Variants in UNC5D observed in about 807,000 individuals in gnomAD.
UNC5D encodes the protein unc-5 netrin receptor D, also known as netrin receptor UNC5D.
UNC5D carries 39 observed loss-of-function variants against 105.4 expected under a neutral mutation model. The observed-to-expected ratio is 0.37, with a 90% confidence interval of 0.29 to 0.48. The LOEUF is 0.48. UNC5D is among the 20% of genes least tolerant of loss of function. The pLI is 0.98. For missense variants in UNC5D, 991 were observed against 1,202.4 expected (o/e 0.82, Z 2.60); for synonymous variants, 452 against 450.4 (o/e 1.00, Z -0.04).
chr8:35,423,742 G>A (rs1360834699), intron 1 of UNC5D, among the ~76,000 whole-genome samples: 2 of 152,062 alleles, frequency 1.3e-5, no homozygotes, highest in African/African-American at 2.4e-5. Flanking sequence ...TTCTACAGAA[G>A]TATGAAGAAT....
chr8:35,462,527 G>T (rs1808977961), intron 1 of UNC5D, among the ~76,000 whole-genome samples: 2 of 152,084 alleles, frequency 1.3e-5, no homozygotes, highest in South Asian at 4.1e-4. Context: ...ATACTCTGCT[G>T]AATTCTCTTT....
intron 1 of UNC5D, among the ~76,000 whole-genome samples, chr8:35,389,636 A>G (rs1202920362): frequency 6.6e-6 from 1 of 152,004 alleles, no homozygotes; most frequent in African/African-American, 2.4e-5. Context: ...ATGGTTAAAT[A>G]TATAATACCA....
chr8:35,248,990 AT>A (rs1452936088), intron 1 of UNC5D, among the ~76,000 whole-genome samples: 5 of 91,712 alleles, frequency 5.5e-5, no homozygotes, highest in African/African-American at 4.3e-5. Flanking sequence ...TATATAATAT[AT>A]TATATATAAA....
chr8:35,249,475 T>C (rs952708869), intron 1 of UNC5D, among the ~76,000 whole-genome samples: 1 of 150,820 alleles, frequency 6.6e-6, no homozygotes, highest in Non-Finnish European at 1.5e-5. Flanking sequence ...GGAGAATCGC[T>C]TGAACCTGGG....
chr8:35,602,737 T>G (rs1304517690), intron 4 of UNC5D, among the ~76,000 whole-genome samples: 2 of 152,182 alleles, frequency 1.3e-5, no homozygotes, highest in African/African-American at 4.8e-5. Context: ...TTTTTGTAAT[T>G]GTACTTTAAG....
intron 1 of UNC5D, among the ~76,000 whole-genome samples, chr8:35,290,464 G>C (rs35030066): frequency 6.6e-6 from 1 of 151,838 alleles, no homozygotes; most frequent in Non-Finnish European, 1.5e-5. Context: ...GTGGTTACCA[G>C]AGGCTGGGGT....
intron 1 of UNC5D, among the ~76,000 whole-genome samples, chr8:35,452,320 A>C (rs950338519): frequency 6.6e-6 from 1 of 152,058 alleles, no homozygotes; most frequent in Non-Finnish European, 1.5e-5. Context: ...GCTGGAGTGC[A>C]GTGGCACAAT....
chr8:35,601,813 C>G (rs1357960824), intron 4 of UNC5D, among the ~76,000 whole-genome samples: 7 of 152,122 alleles, frequency 4.6e-5, no homozygotes, highest in Non-Finnish European at 1.0e-4. Context: ...CCTGATTGCC[C>G]TGGCCAGAAC....
At chr8:35,576,005 G>T (rs1173913525) in intron 3 of UNC5D, among the ~76,000 whole-genome samples, 2 of 152,124 alleles carry the variant, frequency 1.3e-5, no homozygotes, top group Non-Finnish European at 2.9e-5. Context: ...GTTTTCCTGG[G>T]CACATAGGTA....
Position 35,726,158 on chromosome 8 carries a change from C to G in UNC5D, c.1310C>G (p.Ser437Cys), listed in dbSNP as rs1218717905. The stretch of plus-strand genomic sequence containing the variant: ...ATCAATTTTCTTTTACCAGGTAACT[C>G]CCTGCTCCTGAATTCTGCCATGCAG... ...FNFKTVRQGN[S>C]LLLNSAMQPD... The change falls in exon 10 of 17, where the codon TCC (serine) becomes TGC (cysteine). Residue 437 changes from serine (S) to cysteine (C), a missense_variant. By Grantham distance (112) the Ser-to-Cys change is moderately radical. Around this residue, in one of 3 missense-constraint regions of UNC5D, gnomAD observed 944 missense variants for 1,131.6 expected, o/e 0.83. Coordinates refer to ENST00000404895, the MANE Select transcript of UNC5D (RefSeq NM_080872.4). 3 of 1,606,512 alleles carry G rather than the reference C, an allele frequency of 1.9e-6. No individual in the cohort carries two copies. Among genetic ancestry groups the G allele is most frequent in the Non-Finnish European group, 2.6e-6 (3 of 1,174,578 alleles).
chr8:35,741,617 A>AAC (rs1829767582), intron 11 of UNC5D, among the ~76,000 whole-genome samples: 1 of 152,176 alleles, frequency 6.6e-6, no homozygotes, highest in Non-Finnish European at 1.5e-5. Context: ...AGGATGTAGG[A>AAC]ACAGTCCCCG....
chr8:35,627,294 C>T (rs965924554), intron 4 of UNC5D, among the ~76,000 whole-genome samples: 8 of 152,174 alleles, frequency 5.3e-5, no homozygotes, highest in Admixed American at 4.6e-4. Flanking sequence ...CAATAACGTT[C>T]AGACATAATC....
At chr8:35,354,812 A>G (rs536415157) in intron 1 of UNC5D, among the ~76,000 whole-genome samples, 17 of 152,212 alleles carry the variant, frequency 1.1e-4, no homozygotes, top group Admixed American at 2.0e-4. Flanking sequence ...TTTTCCATCC[A>G]CACCTGGGGC....
intron 1 of UNC5D, among the ~76,000 whole-genome samples, chr8:35,520,668 G>C (rs1409018400): frequency 6.6e-6 from 1 of 152,044 alleles, no homozygotes; most frequent in Non-Finnish European, 1.5e-5. Flanking sequence ...ATGTTGTCTA[G>C]GGTAGTATGT....
chr8:35,775,890 C>A (rs7838726), intron 16 of UNC5D, among the ~76,000 whole-genome samples: 2 of 151,350 alleles, frequency 1.3e-5, no homozygotes, highest in African/African-American at 4.9e-5. Context: ...CAGGCAAGCC[C>A]GAAAAGAATA....
At chr8:35,666,564 T>C (rs1205177470) in intron 4 of UNC5D, among the ~76,000 whole-genome samples, 1 of 151,758 alleles carries the variant, frequency 6.6e-6, no homozygotes, top group Non-Finnish European at 1.5e-5. Flanking sequence ...ACAACCAGAA[T>C]GCAAAGGGGA....
intron 1 of UNC5D, among the ~76,000 whole-genome samples, chr8:35,446,259 G>A (rs1389930955): frequency 6.6e-6 from 1 of 151,750 alleles, no homozygotes; most frequent in African/African-American, 2.4e-5. Context: ...TTATTTGTAT[G>A]TGGGATTTAT....
At chr8:35,544,898 T>C (rs1408359848) in intron 1 of UNC5D, among the ~76,000 whole-genome samples, 1 of 152,136 alleles carries the variant, frequency 6.6e-6, no homozygotes, top group Non-Finnish European at 1.5e-5. Flanking sequence ...CCACAGCACC[T>C]GGTCACACCT....
At chr8:35,459,525 C>A in intron 1 of UNC5D, among the ~76,000 whole-genome samples, 1 of 152,156 alleles carries the variant, frequency 6.6e-6, no homozygotes. Flanking sequence ...AGCCTTTTGA[C>A]ATTTGAGGCC....
Sources: gnomAD v4.1 joint callset for allele counts (sites outside exome capture counted in the v4.1 genomes callset) on GRCh38, gnomAD v4.1.1 for gene constraint, gnomAD v4.1.1 regional missense constraint, MANE v1.5 for transcripts, NCBI Gene and HGNC (gene_info 2026-07-23, HGNC 2026-07-21) for gene names.